Variants in EXOC6B observed in about 807,000 individuals in gnomAD.
EXOC6B encodes the protein SEC15 homolog B.
A neutral mutation model predicts 113.5 loss-of-function variants in EXOC6B; 54 were observed. The observed-to-expected ratio is 0.48, with a 90% CI of 0.38 to 0.60. The LOEUF is 0.60. Ranked by LOEUF, EXOC6B falls within the 20% of genes least tolerant of loss-of-function variation. The probability of loss-of-function intolerance (pLI) is 0.00; values close to 1 mark genes in which losing one functional copy is unlikely to be tolerated. For missense variants in EXOC6B, 797 were observed against 977.5 expected (o/e 0.82, Z 2.46); for synonymous variants, 357 against 339.0 (o/e 1.05, Z -0.58).
intron 6 of EXOC6B, among the ~76,000 whole-genome samples, chr2:72,676,883 C>T (rs1465619385): frequency 1.3e-5 from 2 of 152,158 alleles, no homozygotes; most frequent in African/African-American, 2.4e-5. Flanking sequence ...TTAAAAGATA[C>T]TACCACTGGC....
chr2:72,781,192 A>T (rs913753611), intron 1 of EXOC6B, among the ~76,000 whole-genome samples: 2 of 152,064 alleles, frequency 1.3e-5, no homozygotes, highest in Non-Finnish European at 2.9e-5. Context: ...TTACCCTAAC[A>T]TTTCTATCCA....
At chr2:72,414,842 G>T (rs1694422237) in intron 18 of EXOC6B, among the ~76,000 whole-genome samples, 1 of 152,056 alleles carries the variant, frequency 6.6e-6, no homozygotes. Context: ...CAGGATCAAT[G>T]GTCAGATAAT....
intron 2 of EXOC6B, among the ~76,000 whole-genome samples, chr2:72,735,703 C>T (rs1272655865): frequency 6.6e-6 from 1 of 151,762 alleles, no homozygotes; most frequent in African/African-American, 2.4e-5. Flanking sequence ...AGAATCCCAG[C>T]TACTTGGGAG....
intron 18 of EXOC6B, among the ~76,000 whole-genome samples, chr2:72,455,335 TAG>T (rs1697158462): frequency 6.6e-6 from 1 of 152,224 alleles, no homozygotes; most frequent in South Asian, 2.1e-4. Context: ...CATTACCAGA[TAG>T]AGTTTCTACT....
chr2:72,539,961 C>T (rs1310409256), intron 8 of EXOC6B, among the ~76,000 whole-genome samples: 1 of 119,086 alleles, frequency 8.4e-6, no homozygotes, highest in Admixed American at 1.0e-4. Flanking sequence ...CCCCACCCCA[C>T]AACAGTCCCC....
In EXOC6B at chr2:72,826,020, A is replaced by C. The variant is rs1573861201; in HGVS notation, c.-110T>G. 3.4e-6 allele frequency: 5 copies of C among 1,482,288 alleles called. No individual in the cohort carries two copies. The highest frequency in any genetic ancestry group is 2.6e-5 in the South Asian group (2 of 76,116). The allele number at this position is 1,482,288 out of a possible 1,614,324, so 91.8% of individuals were successfully genotyped here. ...TCCACAGCCGCCCCAGCCTCTGGCT[A>C]CCCGCAGGCCGACCCCTCCCTCAGG... is the stretch of plus-strand genomic sequence containing the variant. On this transcript the variant is annotated 5_prime_UTR_variant, in exon 1 of 22. Transcript: ENST00000272427.
chr2:72,411,621 T>G (rs1558642898), intron 18 of EXOC6B, among the ~76,000 whole-genome samples: 1 of 152,216 alleles, frequency 6.6e-6, no homozygotes, highest in East Asian at 1.9e-4. Flanking sequence ...AGTGTGGGTT[T>G]GCTGCCAGCA....
intron 6 of EXOC6B, among the ~76,000 whole-genome samples, chr2:72,682,403 C>G (rs563678838): frequency 6.6e-6 from 1 of 152,254 alleles, no homozygotes; most frequent in African/African-American, 2.4e-5. Flanking sequence ...TCCACAAACT[C>G]TAAGACATAT....
At chr2:72,272,773 T>C (rs1423021894) in intron 20 of EXOC6B, among the ~76,000 whole-genome samples, 6 of 152,138 alleles carry the variant, frequency 3.9e-5, no homozygotes, top group Non-Finnish European at 7.3e-5. Flanking sequence ...AGGATGTTAT[T>C]GGCATCATTC....
At chr2:72,219,884 G>C (rs544662512) in intron 20 of EXOC6B, among the ~76,000 whole-genome samples, 62 of 152,280 alleles carry the variant, frequency 4.1e-4, no homozygotes, top group African/African-American at 1.4e-3. Flanking sequence ...CTAAGGCTCA[G>C]ATTGGTTAAG....
At position 72,512,767 on chromosome 2, in the gene EXOC6B, T is replaced by C. The variant is rs77123499; in HGVS notation, c.1167+365A>G. Among the ~76,000 whole-genome samples, 355 of 152,116 alleles carry C rather than the reference T, an allele frequency of 2.3e-3. 1 individual carries two copies. The highest frequency in any genetic ancestry group is 8.1e-3 in the African/African-American group (338 of 41,532). On this transcript the variant is annotated intron_variant, in intron 11 of 21. Coordinates refer to ENST00000272427, the MANE Select transcript of EXOC6B (RefSeq NM_015189.3). ...CATTAGGCTGGTTACCTAACCTCTC[T>C]CAGGTTCAATTTCCCAGACTATAAG...
rs1260581524 is a variant in EXOC6B at position 72,515,083 on chromosome 2, C to T, written c.959G>A (p.Arg320Gln). The T allele has an allele frequency of 5.6e-6, 9 of 1,607,854 alleles. No homozygotes were observed. In the East Asian group the frequency reaches 8.9e-5, roughly 16 times the overall value. Residue 320 changes from arginine to glutamine, a missense_variant, in exon 9 of 22, where the codon CGA (arginine) becomes CAA (glutamine). Transcript: ENST00000272427. ...TFENYYRKQR[R>Q]KQARLVLQPP... ...TTGAAGTACCAAACGAGCCTGTTTTCGCCTCTGTTTTCGGTAGTAATTCTC... is the reference window on the plus strand; with the variant it reads ...TTGAAGTACCAAACGAGCCTGTTTTTGCCTCTGTTTTCGGTAGTAATTCTC...
At chr2:72,391,389 T>A (rs1182800335) in intron 18 of EXOC6B, among the ~76,000 whole-genome samples, 5 of 152,124 alleles carry the variant, frequency 3.3e-5, no homozygotes, top group African/African-American at 1.2e-4. Context: ...CTGGCCTTCA[T>A]CATTTTTATA....
intron 6 of EXOC6B, among the ~76,000 whole-genome samples, chr2:72,620,492 T>C (rs1367325350): frequency 6.6e-6 from 1 of 151,246 alleles, no homozygotes; most frequent in Non-Finnish European, 1.5e-5. Context: ...AAAAGAAATT[T>C]AAATAATTTT....
chr2:72,758,433 A>G (rs950277867), intron 1 of EXOC6B, among the ~76,000 whole-genome samples: 1 of 151,896 alleles, frequency 6.6e-6, no homozygotes, highest in African/African-American at 2.4e-5. Flanking sequence ...CACTTACAAG[A>G]TATGCAAAAA....
chr2:72,647,638 C>T (rs900681229), intron 6 of EXOC6B, among the ~76,000 whole-genome samples: 1 of 152,122 alleles, frequency 6.6e-6, no homozygotes, highest in Non-Finnish European at 1.5e-5. Flanking sequence ...CATCTACAAC[C>T]ATCTGAGCTT....
intron 1 of EXOC6B, among the ~76,000 whole-genome samples, chr2:72,823,386 T>C (rs1027612514): frequency 2.0e-5 from 3 of 147,654 alleles, no homozygotes. Context: ...TAACTTATAT[T>C]TAAACCGTAA....
intron 20 of EXOC6B, among the ~76,000 whole-genome samples, chr2:72,217,059 A>G (rs1680585867): frequency 6.6e-6 from 1 of 151,756 alleles, no homozygotes. Context: ...AAGTATAGTA[A>G]CCAAGGTATG....
intron 20 of EXOC6B, among the ~76,000 whole-genome samples, chr2:72,234,485 T>C (rs1432108185): frequency 6.6e-6 from 1 of 152,166 alleles, no homozygotes; most frequent in Non-Finnish European, 1.5e-5. Flanking sequence ...AGACAATACT[T>C]CTGGACATAG....
Sources: allele counts gnomAD v4.1 joint callset (sites outside exome capture counted in the v4.1 genomes callset), GRCh38; gene constraint gnomAD v4.1.1; transcripts MANE v1.5; gene names NCBI Gene and HGNC (gene_info 2026-07-23, HGNC 2026-07-21).